Variants in SGMS2 observed in about 807,000 individuals in gnomAD.
SGMS2 encodes the protein sphingomyelin synthase 2.
In SGMS2, 21 loss-of-function variants were observed where a neutral mutation model predicts 43.8. That is an observed-to-expected ratio of 0.48 (90% CI 0.34 to 0.69). The LOEUF (loss-of-function observed/expected upper bound fraction) is 0.69. Ranked by LOEUF, SGMS2 falls within the 30% of genes least tolerant of loss-of-function variation. The pLI is 0.01. For missense variants in SGMS2, 384 were observed against 443.2 expected, an observed-to-expected ratio of 0.87 and a Z score of 1.20; for synonymous variants, 167 against 160.6, an observed-to-expected ratio of 1.04 and a Z score of -0.30.
At chr4:107,847,942 A>G (rs902447726) in intron 1 of SGMS2, among the ~76,000 whole-genome samples, 1 of 152,178 alleles carries the variant, frequency 6.6e-6, no homozygotes, top group Non-Finnish European at 1.5e-5. Flanking sequence ...ACCAAAGTCC[A>G]TAGTTTAGAG....
At chr4:107,860,518 G>C (rs911120171) in intron 2 of SGMS2, among the ~76,000 whole-genome samples, 1 of 150,594 alleles carries the variant, frequency 6.6e-6, no homozygotes, top group Non-Finnish European at 1.5e-5. Context: ...ATCTCTGAGA[G>C]GAAGGTGTTT....
chr4:107,882,968 C>T (rs1729477667), intron 2 of SGMS2, among the ~76,000 whole-genome samples: 1 of 152,048 alleles, frequency 6.6e-6, no homozygotes, highest in South Asian at 2.1e-4. Context: ...AGATTAAATT[C>T]TTTTAAATAT....
intron 1 of SGMS2, among the ~76,000 whole-genome samples, chr4:107,847,416 A>G (rs1045010309): frequency 2.0e-5 from 3 of 152,032 alleles, no homozygotes; most frequent in South Asian, 2.1e-4. Flanking sequence ...CAAAGATCAG[A>G]TAGTTGTAGA....
At chr4:107,842,505 G>A (rs778661722) in intron 1 of SGMS2, among the ~76,000 whole-genome samples, 1 of 152,186 alleles carries the variant, frequency 6.6e-6, no homozygotes, top group African/African-American at 2.4e-5. Flanking sequence ...CAACACTGGG[G>A]ATTACATTTC....
chr4:107,838,101 G>T (rs543807721), intron 1 of SGMS2, among the ~76,000 whole-genome samples: 8 of 152,246 alleles, frequency 5.3e-5, no homozygotes, highest in African/African-American at 1.9e-4. Context: ...AGGCAGAGAG[G>T]CCCTGAGGAA....
chr4:107,829,290 CAAT>C (rs765606542), intron 1 of SGMS2, among the ~76,000 whole-genome samples: 34 of 152,254 alleles, frequency 2.2e-4, no homozygotes, highest in Non-Finnish European at 3.7e-4. Context: ...TCAAGTTTTA[CAAT>C]AATATCACAT....
At chr4:107,910,275 G>T (rs1206607793) in intron 6 of SGMS2, 75 bp from the exon 7 acceptor site, 5 of 1,276,620 alleles carry the variant, frequency 3.9e-6, no homozygotes, top group South Asian at 2.6e-5. Flanking sequence ...TACAGTGAAT[G>T]ACAATTTAAG....
chr4:107,884,987 C>CA (rs969413161), intron 2 of SGMS2, among the ~76,000 whole-genome samples: 7 of 151,818 alleles, frequency 4.6e-5, no homozygotes, highest in African/African-American at 1.7e-4. Flanking sequence ...TCTGGGAAAG[C>CA]AAAAAAAGCC....
At chr4:107,827,099 G>A (rs1197668646) in intron 1 of SGMS2, among the ~76,000 whole-genome samples, 11 of 152,018 alleles carry the variant, frequency 7.2e-5, no homozygotes, top group Admixed American at 7.2e-4. Context: ...GAGTATCAGT[G>A]AGAACTTTTT....
chr4:107,886,753 G>A (rs1729782135), intron 2 of SGMS2: 1 of 152,136 alleles, frequency 6.6e-6, no homozygotes, highest in African/African-American at 2.4e-5. Context: ...CATAAGTCAA[G>A]TTTGATTCTT....
chr4:107,863,148 G>A (rs1381484619), intron 2 of SGMS2, among the ~76,000 whole-genome samples: 2 of 152,198 alleles, frequency 1.3e-5, no homozygotes, highest in African/African-American at 4.8e-5. Context: ...GAAATCCATT[G>A]CCCTTGGGTC....
At chr4:107,879,549 C>T (rs539115379) in intron 2 of SGMS2, among the ~76,000 whole-genome samples, 76 of 151,828 alleles carry the variant, frequency 5.0e-4, no homozygotes, top group Non-Finnish European at 8.7e-4. Flanking sequence ...GCAACCTCTG[C>T]CTCCCAGGTT....
rs58069785 is a variant in SGMS2, at chr4:107,890,674, C to CAAA, written c.-244-4621_-244-4619dup. ...TGGACAACAGAGCAATACTCCACCT[C>CAAA]AAAAAAAAAAAAAAAAAGACAAGGT... On this transcript the variant is annotated intron_variant, in intron 2 of 6. Coordinates refer to ENST00000690982, the MANE Select transcript of SGMS2 (RefSeq NM_001375905.1). Among the ~76,000 whole-genome samples the CAAA allele has an allele frequency of 2.1e-3, 132 of 62,832 alleles. 1 individual carries two copies. Among genetic ancestry groups the CAAA allele is most frequent in the African/African-American group, 6.4e-3 (126 of 19,838 alleles). 41.2% of individuals were successfully genotyped at this position (62,832 alleles called of 152,430 possible).
At chr4:107,877,135 T>TA (rs76292722) in intron 2 of SGMS2, among the ~76,000 whole-genome samples, 350 of 146,086 alleles carry the variant, frequency 2.4e-3, no homozygotes, top group Non-Finnish European at 2.9e-3. Context: ...CCCATATTTC[T>TA]AAAAAAAAAA....
chr4:107,855,749 C>T (rs781671325), intron 1 of SGMS2, among the ~76,000 whole-genome samples: 2 of 152,074 alleles, frequency 1.3e-5, no homozygotes, highest in Non-Finnish European at 2.9e-5. Flanking sequence ...TACTGATTTT[C>T]TGCGTGGATG....
At chr4:107,875,891 G>A (rs1206459810) in intron 2 of SGMS2, among the ~76,000 whole-genome samples, 1 of 152,016 alleles carries the variant, frequency 6.6e-6, no homozygotes, top group Non-Finnish European at 1.5e-5. Flanking sequence ...CTACCTTGAA[G>A]AATCCAGGTG....
chr4:107,829,226 A>G (rs922275583), intron 1 of SGMS2, among the ~76,000 whole-genome samples: 3 of 152,194 alleles, frequency 2.0e-5, no homozygotes, highest in Non-Finnish European at 4.4e-5. Flanking sequence ...AAAGTGCGAG[A>G]AATTTCTATT....
At chr4:107,837,550 G>C (rs1053364110) in intron 1 of SGMS2, among the ~76,000 whole-genome samples, 1 of 152,162 alleles carries the variant, frequency 6.6e-6, no homozygotes, top group Admixed American at 6.5e-5. Flanking sequence ...ACCGAGTTGG[G>C]TAGGGCTGGC....
At position 107,903,240 on chromosome 4, in the gene SGMS2, G is replaced by A. The variant is rs377607424; in HGVS notation, c.581G>A (p.Gly194Glu). The A allele has an allele frequency of 4.3e-6, 7 of 1,613,938 alleles. No homozygotes were observed. Among genetic ancestry groups the A allele is most frequent in the African/African-American group, 1.3e-5 (1 of 75,012 alleles). ...MHFQCAPKLN[G>E]DSQAKVQRIL... is the part of the protein sequence containing the mutation. ...TCTTCTTGTGTCATTCAGCTCAATG[G>A]AGACTCTCAGGCAAAAGTTCAACGG... Residue 194 changes from glycine (G) to glutamate (E), a missense_variant, in exon 5 of 7, where the codon GGA becomes GAA. By Grantham distance (98) the Gly-to-Glu change is moderately conservative. Transcript: ENST00000690982.
Sources: allele counts gnomAD v4.1 joint callset (sites outside exome capture counted in the v4.1 genomes callset), GRCh38; gene constraint gnomAD v4.1.1; transcripts MANE v1.5; gene names NCBI Gene and HGNC (gene_info 2026-07-23, HGNC 2026-07-21).